Variants in BEST3 observed in about 807,000 individuals in gnomAD.
BEST3 encodes the protein bestrophin 3.
Under a neutral mutation model 47.1 loss-of-function variants are expected in BEST3, and 50 were observed. That is an observed-to-expected ratio of 1.06 (90% CI 0.85 to 1.34). BEST3 has a LOEUF of 1.34. Among genes scored for constraint, BEST3 ranks in the 40% most tolerant of loss-of-function variants. The probability of loss-of-function intolerance (pLI) is 0.00; values close to 1 mark genes in which losing one functional copy is unlikely to be tolerated. For missense variants in BEST3, 765 were observed against 817.0 expected, an observed-to-expected ratio of 0.94 and a Z score of 0.78; for synonymous variants, 282 against 298.8, an observed-to-expected ratio of 0.94 and a Z score of 0.58.
chr12:69,668,684 A>G (rs1392235135), intron 9 of BEST3, among the ~76,000 whole-genome samples: 1 of 152,230 alleles, frequency 6.6e-6, no homozygotes, highest in Non-Finnish European at 1.5e-5. Context: ...CACATACTCC[A>G]TATGGTTGGA....
intron 9 of BEST3, among the ~76,000 whole-genome samples, chr12:69,656,019 C>G (rs1248879559): frequency 6.6e-6 from 1 of 152,062 alleles, no homozygotes; most frequent in East Asian, 1.9e-4. Flanking sequence ...ATTGCGTATC[C>G]CAAAGAGATT....
intron 4 of BEST3, among the ~76,000 whole-genome samples, chr12:69,691,175 C>T (rs1380848648): frequency 6.6e-6 from 1 of 152,190 alleles, no homozygotes; most frequent in Non-Finnish European, 1.5e-5. Context: ...GATGTAATTT[C>T]ATTACAATGG....
intron 9 of BEST3, chr12:69,643,853 C>A: frequency 1.7e-6 from 1 of 599,884 alleles, no homozygotes; most frequent in South Asian, 2.2e-5. Flanking sequence ...CTTCTCTTTT[C>A]TTCGCCAAAC....
At chr12:69,662,745 C>A (rs1883945844) in intron 9 of BEST3, among the ~76,000 whole-genome samples, 1 of 152,124 alleles carries the variant, frequency 6.6e-6, no homozygotes, top group Admixed American at 6.5e-5. Context: ...GCTTCATAGA[C>A]CCCCTTTTTA....
intron 9 of BEST3, among the ~76,000 whole-genome samples, chr12:69,661,839 T>C (rs986381341): frequency 6.6e-6 from 1 of 152,198 alleles, no homozygotes; most frequent in African/African-American, 2.4e-5. Flanking sequence ...TTGGCCTATC[T>C]GGTCATTGAA....
In BEST3 at chr12:69,684,621, G is replaced by C. The variant is rs758089959; in HGVS notation, c.482-5728C>G. 6.0e-6 allele frequency: 4 copies of C among 661,696 alleles called. No individual in the cohort carries two copies. The South Asian group carries it at 6.5e-5, about 11-fold the overall frequency. The allele number at this position is 661,696 out of a possible 1,614,324, so 41.0% of individuals were successfully genotyped here. ...ATGCCAGTTCTTTCTGAAAGAGAGA[G>C]TTGTGTATTCAGCATCTGAGCCCTT... On this transcript the variant is annotated intron_variant, in intron 4 of 9. Transcript: ENST00000330891.
chr12:69,676,502 T>A (rs1424189669), intron 7 of BEST3, among the ~76,000 whole-genome samples: 1 of 151,858 alleles, frequency 6.6e-6, no homozygotes, highest in Non-Finnish European at 1.5e-5. Flanking sequence ...AACTATAGAG[T>A]TGAGCAGAAC....
downstream of BEST3, among the ~76,000 whole-genome samples, chr12:69,652,895 T>C (rs1300559191): frequency 6.6e-6 from 1 of 152,230 alleles, no homozygotes; most frequent in Non-Finnish European, 1.5e-5. Context: ...ATATTGGCTC[T>C]TGATCCCATA....
chr12:69,664,840 G>C (rs1328779254), intron 9 of BEST3, among the ~76,000 whole-genome samples: 2 of 151,976 alleles, frequency 1.3e-5, no homozygotes, highest in Non-Finnish European at 2.9e-5. Flanking sequence ...CTACAAATTT[G>C]ATTGTCAGCT....
At chr12:69,674,321 G>A (rs1235983842) in intron 7 of BEST3, among the ~76,000 whole-genome samples, 1 of 152,066 alleles carries the variant, frequency 6.6e-6, no homozygotes, top group Non-Finnish European at 1.5e-5. Context: ...CACCCGAGGA[G>A]CTCTTAAAAA....
chr12:69,695,460 G>A (rs905857702), intron 2 of BEST3, among the ~76,000 whole-genome samples: 1 of 152,178 alleles, frequency 6.6e-6, no homozygotes, highest in Non-Finnish European at 1.5e-5. Context: ...GGTACAGGGT[G>A]AGCTTGGAGT....
chr12:69,678,659 TTCCTGGTCTAACGTGTTATA>T lies in BEST3; in HGVS notation c.636+60_636+79del, dbSNP rs1448856449. 4.8e-5 allele frequency: 66 copies of T among 1,387,420 alleles called. No individual in the cohort carries two copies. In the East Asian group the frequency reaches 1.5e-3, roughly 32 times the overall value. 85.9% of individuals were successfully genotyped at this position (1,387,420 alleles called of 1,614,324 possible). A position where few individuals can be genotyped will look rare whatever the true frequency, so the allele number is the denominator to read the frequency against. Reference sequence around the variant, plus strand: ...AACCAGGACTGAACAAAGCTGACTCTTCCTGGTCTAACGTGTTATATCCAGGTCCTTCTTGGTCTCTAATT... The same window carrying T: ...AACCAGGACTGAACAAAGCTGACTCTTCCAGGTCCTTCTTGGTCTCTAATT... On this transcript the variant is annotated intron_variant, in intron 5 of 9. Coordinates refer to ENST00000330891, the MANE Select transcript of BEST3 (RefSeq NM_032735.3).
chr12:69,693,944 C>T (rs770520426), intron 3 of BEST3, 37 bp from the exon 4 acceptor site: 18 of 1,482,738 alleles, frequency 1.2e-5, no homozygotes, highest in South Asian at 2.4e-5. Flanking sequence ...CAGTTTCTTA[C>T]AGCAGACACG....
At chr12:69,679,439 T>C (rs1000404952) in intron 4 of BEST3, among the ~76,000 whole-genome samples, 1 of 152,228 alleles carries the variant, frequency 6.6e-6, no homozygotes, top group Non-Finnish European at 1.5e-5. Context: ...AGTTCCCACA[T>C]GGTACTCGCT....
chr12:69,667,923 G>A (rs1884331050), intron 9 of BEST3, among the ~76,000 whole-genome samples: 1 of 152,096 alleles, frequency 6.6e-6, no homozygotes, highest in Admixed American at 6.5e-5. Context: ...TTTTAAATTT[G>A]TGCTTAAGAT....
At chr12:69,658,108 G>C (rs1049726965) in intron 9 of BEST3, among the ~76,000 whole-genome samples, 3 of 152,142 alleles carry the variant, frequency 2.0e-5, no homozygotes, top group Non-Finnish European at 4.4e-5. Context: ...TGTGTTCTGG[G>C]AATCAAGGAC....
chr12:69,646,660 G>A (rs928503725), intron 9 of BEST3, among the ~76,000 whole-genome samples: 1 of 152,182 alleles, frequency 6.6e-6, no homozygotes, highest in Non-Finnish European at 1.5e-5. Flanking sequence ...AGCATCAGGG[G>A]CACATAGCCT....
rs1793037183 is a variant in BEST3 at position 69,654,056 on chromosome 12, C to T, written c.*851G>A. The stretch of plus-strand genomic sequence containing the variant: ...AAGGGCACGGGGGGAACCATCACTC[C>T]TATATGCCTTCCACTGGAAGTGAGA... On this transcript the variant is annotated 3_prime_UTR_variant, in exon 10 of 10. Coordinates refer to ENST00000330891, the MANE Select transcript of BEST3 (RefSeq NM_032735.3). The T allele has an allele frequency of 1.0e-6, 1 of 985,330 alleles. No individual in the cohort carries two copies. Among genetic ancestry groups the T allele is most frequent in the South Asian group, 4.7e-5 (1 of 21,294 alleles). The allele number at this position is 985,330 out of a possible 1,614,324, so 61.0% of individuals were successfully genotyped here. A position where few individuals can be genotyped will look rare whatever the true frequency, so the allele number is the denominator to read the frequency against.
intron 4 of BEST3, among the ~76,000 whole-genome samples, chr12:69,688,858 C>G (rs746737464): frequency 2.0e-5 from 3 of 152,192 alleles, no homozygotes; most frequent in Non-Finnish European, 4.4e-5. Context: ...GGAGCCCATT[C>G]CAGACCTACT....
Sources: gnomAD v4.1 joint callset for allele counts (sites outside exome capture counted in the v4.1 genomes callset) on GRCh38, gnomAD v4.1.1 for gene constraint, MANE v1.5 for transcripts, NCBI Gene and HGNC (gene_info 2026-07-23, HGNC 2026-07-21) for gene names.